Variants in GJB1 observed in about 807,000 individuals in gnomAD.
GJB1 encodes gap junction beta-1 protein.
A neutral mutation model predicts 12.0 loss-of-function variants in GJB1; 1 was observed. The ratio of observed to expected loss-of-function variants is 0.08; its 90% CI spans 0.03 to 0.40. GJB1 has a LOEUF of 0.40. GJB1 is among the 10% of genes least tolerant of loss of function. The pLI is 0.98. For missense variants in GJB1, 140 were observed against 250.3 expected (o/e 0.56, Z 2.97); for synonymous variants, 114 against 102.8 (o/e 1.11, Z -0.66).
At chrX:71,217,776 G>C (rs978279883) in intron 1 of GJB1, 1 of 110,792 alleles carries the variant, frequency 9.0e-6, no homozygotes, top group Non-Finnish European at 1.9e-5. Flanking sequence ...GAAAAAAGGC[G>C]GGGAGTTACA....
At position 71,223,292 on chromosome X, in the gene GJB1, T is replaced by C. The variant is rs2092541147; in HGVS notation, c.-60T>C. On this transcript the variant is annotated 5_prime_UTR_variant, in exon 1 of 2. The change abolishes the stop of an existing upstream ORF in the 5' untranslated region. Transcript: ENST00000361726. ...CTCCCCCTGCACAGACATGAGACCA[T>C]AGGGGACCTGTCTGGGTGGCCTCAG... is the stretch of plus-strand genomic sequence containing the variant. The C allele has an allele frequency of 1.2e-5, 3 of 258,754 alleles. No homozygotes were observed. Among genetic ancestry groups the C allele is most frequent in the East Asian group, 9.0e-5 (1 of 11,056 alleles). The allele number at this position is 258,754 out of a possible 1,213,427, so 21.3% of individuals were successfully genotyped here.
At chrX:71,217,807 T>A (rs2092528396) in intron 1 of GJB1, 1 of 101,140 alleles carries the variant, frequency 9.9e-6, no homozygotes, top group African/African-American at 3.8e-5. Context: ...AACTCAGGGG[T>A]GGCCAGGATG....
At chrX:71,219,551 C>CACGA (rs1314577789), upstream of GJB1, among the ~76,000 whole-genome samples, 4 of 106,603 alleles carry the variant, frequency 3.8e-5, no homozygotes, top group Non-Finnish European at 7.7e-5. Flanking sequence ...GCAGGTGGAT[C>CACGA]ACGAGGTCAG....
intron 1 of GJB1, among the ~76,000 whole-genome samples, chrX:71,215,617 T>C (rs769934761): frequency 2.0e-3 from 224 of 112,218 alleles, no homozygotes; most frequent in African/African-American, 7.0e-3. Context: ...AGTTTGTCTC[T>C]CTGAGACATT....
chrX:71,220,317 A>G (rs1405840785), upstream of GJB1, among the ~76,000 whole-genome samples: 2 of 101,290 alleles, frequency 2.0e-5, no homozygotes, highest in East Asian at 6.3e-4. Context: ...GGCGTGAGCC[A>G]CTGTGCCCGG....
In GJB1 at chrX:71,224,465, G is replaced by A. The variant is rs994060118; in HGVS notation, c.758G>A (p.Ser253Asn). Residue 253 changes from serine to asparagine, a missense_variant, in exon 2 of 2, where the codon AGT becomes AAT. Ser to Asn is a conservative substitution (Grantham distance 46, BLOSUM62 1). Transcript: ENST00000361726. Reference protein sequence around the residue: ...YKQNEINKLLSEQDGSLKDIL... With the variant: ...YKQNEINKLLNEQDGSLKDIL... The stretch of plus-strand genomic sequence containing the variant: ...CAGAATGAGATCAACAAGCTGCTGA[G>A]TGAGCAGGATGGCTCCCTGAAAGAC... The A allele has an allele frequency of 2.3e-5, 28 of 1,208,316 alleles. No individual in the cohort carries two copies. The highest frequency in any genetic ancestry group is 3.1e-5 in the Non-Finnish European group (28 of 893,793).
chrX:71,216,879 C>A (rs1369260085), intron 1 of GJB1, among the ~76,000 whole-genome samples: 1 of 111,485 alleles, frequency 9.0e-6, no homozygotes, highest in Admixed American at 9.6e-5. Flanking sequence ...ATGAAGGCAG[C>A]CAGAAATTCC....
chrX:71,219,355 A>T (rs1243930722), upstream of GJB1, among the ~76,000 whole-genome samples: 1 of 108,226 alleles, frequency 9.2e-6, no homozygotes, highest in Admixed American at 1.0e-4. Flanking sequence ...TTTTGTAGAG[A>T]TGGGGTCTCA....
upstream of GJB1, among the ~76,000 whole-genome samples, chrX:71,221,779 A>G (rs1218216416): frequency 9.0e-6 from 1 of 111,015 alleles, no homozygotes; most frequent in Non-Finnish European, 1.9e-5. Context: ...CGAGGTTGCA[A>G]TATGCACTTG....
At chrX:71,216,488 G>C (rs6625771) in intron 1 of GJB1, among the ~76,000 whole-genome samples, 31,075 of 108,220 alleles carry the variant, frequency 0.29, 3,552 homozygotes, top group East Asian at 0.51. Context: ...CCTGGCTCAC[G>C]GGGTTGTTGT....
chrX:71,223,568 A>T, intron 1 of GJB1, 124 bp from the exon 2 acceptor site: 1 of 641,956 alleles, frequency 1.6e-6, no homozygotes, highest in Non-Finnish European at 2.5e-6. Context: ...GAAAGACATG[A>T]CCATCCTTCC....
Position 71,223,674 on chromosome X carries a change from A to G in GJB1, c.-16-18A>G, listed in dbSNP as rs2092541781. On this transcript the variant is annotated intron_variant, in intron 1 of 1. Coordinates refer to ENST00000361726, the MANE Select transcript of GJB1 (RefSeq NM_000166.6). Reference sequence around the variant, plus strand: ...CCCCAGCTTTCTGACAGCTTGCTTCATGGCTGGTGTTTTGCAGGTGTGAAT... The same window carrying G: ...CCCCAGCTTTCTGACAGCTTGCTTCGTGGCTGGTGTTTTGCAGGTGTGAAT... 1 of 1,208,115 alleles carries G rather than the reference A, an allele frequency of 8.3e-7. No homozygotes were observed. The highest frequency in any genetic ancestry group is 1.1e-6 in the Non-Finnish European group (1 of 894,183).
upstream of GJB1, among the ~76,000 whole-genome samples, chrX:71,218,757 G>A (rs2147940975): frequency 9.3e-6 from 1 of 107,866 alleles, no homozygotes; most frequent in South Asian, 4.1e-4. Context: ...GGTTGCGGGG[G>A]CGCCTGTAGT....
At position 71,224,772 on chromosome X, in the gene GJB1, T is replaced by C. The variant is rs1228736552; in HGVS notation, c.*213T>C. 8.8e-6 allele frequency: 4 copies of C among 456,791 alleles called. No individual in the cohort carries two copies. In the Admixed American group the frequency reaches 1.5e-4, roughly 17 times the overall value. 37.6% of individuals were successfully genotyped at this position (456,791 alleles called of 1,213,427 possible). A position where few individuals can be genotyped will look rare whatever the true frequency, so the allele number is the denominator to read the frequency against. On this transcript the variant is annotated 3_prime_UTR_variant, in exon 2 of 2. Coordinates refer to ENST00000361726, the MANE Select transcript of GJB1 (RefSeq NM_000166.6). Reference sequence around the variant, plus strand: ...CACCTATGCCAGTGCTCAAGGTTACTGGGAGTGTGGGCTGCCCTTGTTGCC... The same window carrying C: ...CACCTATGCCAGTGCTCAAGGTTACCGGGAGTGTGGGCTGCCCTTGTTGCC...
upstream of GJB1, among the ~76,000 whole-genome samples, chrX:71,220,472 T>C (rs1203341135): frequency 2.3e-5 from 2 of 87,054 alleles, no homozygotes; most frequent in East Asian, 4.0e-4. Context: ...GCGCCTGGCC[T>C]AGGTTTTGTT....
upstream of GJB1, chrX:71,223,116 C>A: frequency 7.5e-6 from 1 of 132,547 alleles, no homozygotes; most frequent in East Asian, 2.0e-4. Context: ...GTAGGGTGGG[C>A]GGAAGTCAGG....
intron 1 of GJB1, 38 bp downstream of exon 1, chrX:71,223,373 T>C: frequency 3.0e-6 from 1 of 333,048 alleles, no homozygotes; most frequent in Non-Finnish European, 5.3e-6. Context: ...AGGTCTGGAG[T>C]TAAGGAGCTA....
rs143660518 is a variant in GJB1, at chrX:71,216,318, G to T, written c.-17+1047G>T. The stretch of plus-strand genomic sequence containing the variant: ...AGGGGTTTTAATGGAGAGAAGTATA[G>T]ATTAGAATGCAGCCTGGCAATGGAA... On this transcript the variant is annotated intron_variant, in intron 1 of 1. Transcript: ENST00000374029. Among the ~76,000 whole-genome samples the T allele has an allele frequency of 1.2e-3, 135 of 110,586 alleles. 1 individual carries two copies. Among genetic ancestry groups the T allele is most frequent in the African/African-American group, 4.2e-3 (128 of 30,411 alleles).
At chrX:71,223,581 T>C in intron 1 of GJB1, 111 bp from the exon 2 acceptor site, 3 of 712,642 alleles carry the variant, frequency 4.2e-6, no homozygotes, top group Non-Finnish European at 6.6e-6. Context: ...ATCCTTCCTT[T>C]CCTGCTACTG....
Sources: allele counts gnomAD v4.1 joint callset (sites outside exome capture counted in the v4.1 genomes callset), GRCh38; gene constraint gnomAD v4.1.1; transcripts MANE v1.5; gene names NCBI Gene and HGNC (gene_info 2026-07-23, HGNC 2026-07-21).